The following MTHFS variants were observed in gnomAD, a reference collection of about 807,000 sequenced individuals.
MTHFS encodes methenyltetrahydrofolate synthetase.
A neutral mutation model predicts 12.7 loss-of-function variants in MTHFS; 7 were observed. The ratio of observed to expected loss-of-function variants is 0.55; its 90% CI spans 0.31 to 1.03. MTHFS has a LOEUF of 1.03. Among genes scored for constraint, MTHFS ranks in the 50% least tolerant of loss-of-function variants. The probability of loss-of-function intolerance (pLI) is 0.05; values close to 1 mark genes in which losing one functional copy is unlikely to be tolerated. For missense variants in MTHFS, 252 were observed against 258.1 expected, an observed-to-expected ratio of 0.98 and a Z score of 0.16; for synonymous variants, 100 against 97.1, an observed-to-expected ratio of 1.03 and a Z score of -0.18.
At chr15:79,854,128 T>C (rs1438917351) in intron 2 of MTHFS, among the ~76,000 whole-genome samples, 1 of 152,190 alleles carries the variant, frequency 6.6e-6, no homozygotes, top group Middle Eastern at 3.2e-3. Flanking sequence ...TTATTTGCCT[T>C]GGTGGTGGAA....
Position 79,879,679 on chromosome 15 carries a change from G to A in MTHFS, c.379+9414C>T, listed in dbSNP as rs114391477. ...TTACCCAATAAGGCCTGTAATAGAT[G>A]CATGCCTTCTTGAGAAGCAGAGGCC... is the stretch of plus-strand genomic sequence containing the variant. On this transcript the variant is annotated intron_variant, in intron 2 of 2. Transcript: ENST00000258874. Among the ~76,000 whole-genome samples, 661 of 152,240 alleles carry A rather than the reference G, an allele frequency of 4.3e-3. 1 individual carries two copies. The highest frequency in any genetic ancestry group is 0.014 in the African/African-American group (593 of 41,522).
At position 79,845,136 on chromosome 15, in the gene MTHFS, G is replaced by T; in HGVS notation, c.*74C>A. The T allele has an allele frequency of 6.4e-7, 1 of 1,552,364 alleles. No individual in the cohort carries two copies. Among genetic ancestry groups the T allele is most frequent in the South Asian group, 1.2e-5 (1 of 82,372 alleles). On this transcript the variant is annotated 3_prime_UTR_variant, in exon 3 of 3. Coordinates refer to ENST00000258874, the MANE Select transcript of MTHFS (RefSeq NM_006441.4). ...TAATGAACAATTTCAACTAATTTTTGACAAGGGAAAAATACACATACTTTG... is the reference window on the plus strand; with the variant it reads ...TAATGAACAATTTCAACTAATTTTTTACAAGGGAAAAATACACATACTTTG...
intron 2 of MTHFS, chr15:79,876,745 T>C (rs758272328): frequency 1.3e-5 from 2 of 151,700 alleles, no homozygotes; most frequent in Non-Finnish European, 2.9e-5. Context: ...AACTCTACAG[T>C]TGAAAAGTTC....
At chr15:79,885,439 AGTTT>A (rs2034365460) in intron 2 of MTHFS, among the ~76,000 whole-genome samples, 1 of 152,234 alleles carries the variant, frequency 6.6e-6, no homozygotes, top group African/African-American at 2.4e-5. Flanking sequence ...TGGTGAGTTT[AGTTT>A]TGACTCTCCA....
chr15:79,847,908 G>A (rs1176614730), intron 2 of MTHFS, among the ~76,000 whole-genome samples: 1 of 152,156 alleles, frequency 6.6e-6, no homozygotes, highest in Non-Finnish European at 1.5e-5. Context: ...TGGTGGGGGT[G>A]TAAAATAATG....
At chr15:79,891,249 T>C (rs2034467074) in intron 1 of MTHFS, among the ~76,000 whole-genome samples, 1 of 152,026 alleles carries the variant, frequency 6.6e-6, no homozygotes, top group Non-Finnish European at 1.5e-5. Flanking sequence ...GCAGAGGAAA[T>C]CCCCATTAGC....
At chr15:79,859,460 A>G (rs893082703) in intron 2 of MTHFS, among the ~76,000 whole-genome samples, 3 of 152,230 alleles carry the variant, frequency 2.0e-5, no homozygotes, top group African/African-American at 7.2e-5. Context: ...TGTTCATGAA[A>G]AGGTAGGGAA....
intron 2 of MTHFS, among the ~76,000 whole-genome samples, chr15:79,850,660 T>C (rs2033699441): frequency 1.3e-5 from 2 of 152,108 alleles, no homozygotes; most frequent in African/African-American, 4.8e-5. Flanking sequence ...TGTGGCAGAA[T>C]GGACAAGTAA....
intron 2 of MTHFS, among the ~76,000 whole-genome samples, chr15:79,868,121 T>C (rs974401862): frequency 6.6e-6 from 1 of 152,232 alleles, no homozygotes; most frequent in South Asian, 2.1e-4. Context: ...AGGTGTTGCA[T>C]GCAAAATCAA....
At chr15:79,845,663 A>G (rs1361841190) in intron 2 of MTHFS, among the ~76,000 whole-genome samples, 3 of 152,206 alleles carry the variant, frequency 2.0e-5, no homozygotes, top group Non-Finnish European at 4.4e-5. Context: ...TCTTTTACAT[A>G]TATCTGTACA....
chr15:79,864,547 CAAAAAAAAAAAAA>C (rs58698908), intron 2 of MTHFS, among the ~76,000 whole-genome samples: 12 of 64,518 alleles, frequency 1.9e-4, no homozygotes, highest in South Asian at 5.3e-4. Flanking sequence ...TCCATCTCAA[CAAAAAAAAAAAAA>C]AAAAAAAAAA....
At chr15:79,872,911 T>C (rs529092266) in intron 2 of MTHFS, among the ~76,000 whole-genome samples, 28 of 152,172 alleles carry the variant, frequency 1.8e-4, no homozygotes, top group Admixed American at 1.2e-3. Flanking sequence ...TGTTACCTCA[T>C]GAGAAAGGAT....
At chr15:79,853,142 A>G (rs1008141166) in intron 2 of MTHFS, among the ~76,000 whole-genome samples, 2 of 152,226 alleles carry the variant, frequency 1.3e-5, no homozygotes, top group African/African-American at 4.8e-5. Flanking sequence ...AGGATACGAA[A>G]GAAGAGTGGC....
At chr15:79,875,421 C>T (rs1446014707) in intron 2 of MTHFS, among the ~76,000 whole-genome samples, 1 of 152,138 alleles carries the variant, frequency 6.6e-6, no homozygotes, top group African/African-American at 2.4e-5. Flanking sequence ...AATTCTATCT[C>T]CAGCAAAGCT....
upstream of MTHFS, chr15:79,897,166 C>T (rs956913717): frequency 3.7e-6 from 2 of 546,432 alleles, no homozygotes; most frequent in African/African-American, 4.0e-5. Flanking sequence ...CTTACCTCGC[C>T]TCTGGCCCTT....
At chr15:79,856,262 T>C (rs1458836391) in intron 2 of MTHFS, among the ~76,000 whole-genome samples, 1 of 152,242 alleles carries the variant, frequency 6.6e-6, no homozygotes, top group Non-Finnish European at 1.5e-5. Context: ...ATTTCTCTTA[T>C]GATGAAAAAA....
chr15:79,859,755 T>C (rs1363643586), intron 2 of MTHFS, among the ~76,000 whole-genome samples: 2 of 148,214 alleles, frequency 1.3e-5, no homozygotes, highest in Non-Finnish European at 3.0e-5. Context: ...GAGGCAGAGG[T>C]TGCAGTGAGC....
intron 2 of MTHFS, among the ~76,000 whole-genome samples, chr15:79,870,835 C>A (rs1041113371): frequency 6.6e-6 from 1 of 152,126 alleles, no homozygotes; most frequent in Non-Finnish European, 1.5e-5. Context: ...TTTATGTTGA[C>A]AAAAGCTAGA....
chr15:79,845,997 G>T (rs1252222518), intron 2 of MTHFS, among the ~76,000 whole-genome samples: 1 of 152,192 alleles, frequency 6.6e-6, no homozygotes, highest in African/African-American at 2.4e-5. Context: ...TCGTGTGAGA[G>T]CAGGCTTTGA....
Sources: gnomAD v4.1 joint callset for allele counts (sites outside exome capture counted in the v4.1 genomes callset) on GRCh38, gnomAD v4.1.1 for gene constraint, MANE v1.5 for transcripts, NCBI Gene and HGNC (gene_info 2026-07-23, HGNC 2026-07-21) for gene names.